The following EHMT1 variants were observed in gnomAD, a reference collection of about 807,000 sequenced individuals.
The protein encoded by EHMT1 is histone-lysine N-methyltransferase EHMT1.
In EHMT1, 15 loss-of-function variants were observed where a neutral mutation model predicts 147.2. That is an observed-to-expected ratio of 0.10 (90% CI 0.07 to 0.16). EHMT1 has a LOEUF of 0.16. Ranked by LOEUF, EHMT1 falls within the 10% of genes least tolerant of loss-of-function variation. The pLI, the probability that EHMT1 is intolerant of heterozygous loss-of-function variation, is 1.00. For synonymous variants in EHMT1, 795 were observed against 709.6 expected, an observed-to-expected ratio of 1.12 and a Z score of -1.91; for missense variants, 1,587 against 1,772.4, an observed-to-expected ratio of 0.90 and a Z score of 1.88.
chr9:137,810,742 A>C (rs1392457164), intron 18 of EHMT1, among the ~76,000 whole-genome samples: 1 of 150,684 alleles, frequency 6.6e-6, no homozygotes, highest in Non-Finnish European at 1.5e-5. Context: ...CTTGTTGCCT[A>C]GGCTGGAGTG....
intron 4 of EHMT1, among the ~76,000 whole-genome samples, chr9:137,738,352 G>A (rs544874306): frequency 7.9e-5 from 12 of 152,274 alleles, no homozygotes; most frequent in African/African-American, 2.4e-4. Flanking sequence ...CAAAACCACA[G>A]TGAGATACCA....
At chr9:137,752,200 C>T (rs1017095156) in intron 6 of EHMT1, 131 bp from the exon 7 acceptor site, 74 of 1,135,986 alleles carry the variant, frequency 6.5e-5, no homozygotes, top group African/African-American at 9.2e-5. Context: ...GCCCCCGCCC[C>T]GCGAGCGTCT....
At chr9:137,809,940 T>C (rs55853908) in intron 18 of EHMT1, among the ~76,000 whole-genome samples, 1,159 of 46,022 alleles carry the variant, frequency 0.025, 51 homozygotes, top group African/African-American at 0.11. Flanking sequence ...GGTCCGGAGG[T>C]GGTTCCGATG....
intron 1 of EHMT1, among the ~76,000 whole-genome samples, chr9:137,634,739 A>C (rs1335600380): frequency 2.4e-5 from 3 of 125,964 alleles, no homozygotes; most frequent in East Asian, 4.5e-4. Flanking sequence ...GTCTCTCTCT[A>C]TCGCCCAGGC....
At chr9:137,758,338 G>T (rs556159708) in intron 9 of EHMT1, among the ~76,000 whole-genome samples, 1 of 152,358 alleles carries the variant, frequency 6.6e-6, no homozygotes, top group Admixed American at 6.5e-5. Flanking sequence ...GGCATCTCAG[G>T]ACACACGGGG....
chr9:137,658,037 A>G (rs1938662612), intron 1 of EHMT1, among the ~76,000 whole-genome samples: 1 of 152,128 alleles, frequency 6.6e-6, no homozygotes, highest in African/African-American at 2.4e-5. Context: ...CTAGTTGTGG[A>G]TGATGGGATC....
chr9:137,634,514 C>T (rs867340242), intron 1 of EHMT1, among the ~76,000 whole-genome samples: 6 of 152,132 alleles, frequency 3.9e-5, no homozygotes, highest in Admixed American at 6.5e-5. Flanking sequence ...TGTCCTAATG[C>T]GAGCATTGTT....
At chr9:137,701,777 G>A (rs535942293) in intron 1 of EHMT1, among the ~76,000 whole-genome samples, 2 of 139,354 alleles carry the variant, frequency 1.4e-5, no homozygotes, top group South Asian at 2.5e-4. Context: ...ACAGGCACGC[G>A]CCACCATGCC....
chr9:137,686,292 G>T (rs1306033277), intron 1 of EHMT1, among the ~76,000 whole-genome samples: 4 of 152,122 alleles, frequency 2.6e-5, no homozygotes, highest in Non-Finnish European at 1.5e-5. Context: ...CTAACTCAAG[G>T]TTGTGAAGAC....
chr9:137,662,654 C>T (rs1301892411), intron 1 of EHMT1, among the ~76,000 whole-genome samples: 1 of 152,136 alleles, frequency 6.6e-6, no homozygotes, highest in Non-Finnish European at 1.5e-5. Flanking sequence ...TGCCTGCCAC[C>T]ACACTGGGCT....
intron 8 of EHMT1, among the ~76,000 whole-genome samples, chr9:137,756,833 C>T (rs916364482): frequency 6.6e-6 from 1 of 152,134 alleles, no homozygotes; most frequent in African/African-American, 2.4e-5. Context: ...TAAAACTATA[C>T]AAAGTGTACT....
intron 1 of EHMT1, among the ~76,000 whole-genome samples, chr9:137,665,266 G>C (rs1939508484): frequency 6.6e-6 from 1 of 152,144 alleles, no homozygotes; most frequent in Non-Finnish European, 1.5e-5. Flanking sequence ...GTCTTGATTG[G>C]AGAGCTGGCA....
chr9:137,724,384 A>G (rs1339180146), intron 3 of EHMT1, among the ~76,000 whole-genome samples: 2 of 151,762 alleles, frequency 1.3e-5, no homozygotes, highest in Non-Finnish European at 2.9e-5. Flanking sequence ...CCCTGTGGAG[A>G]TGGGATGGGC....
intron 1 of EHMT1, among the ~76,000 whole-genome samples, chr9:137,628,770 C>A (rs1009200410): frequency 6.6e-6 from 1 of 152,218 alleles, no homozygotes; most frequent in Non-Finnish European, 1.5e-5. Flanking sequence ...TCGAAAAGAG[C>A]GTCTGTGGCT....
intron 25 of EHMT1, among the ~76,000 whole-genome samples, chr9:137,830,747 A>T (rs575242119): frequency 1.3e-5 from 2 of 152,220 alleles, no homozygotes; most frequent in Non-Finnish European, 2.9e-5. Context: ...AGGCAGTTAC[A>T]TTAATTTTAG....
chr9:137,691,554 T>C (rs1942939646), intron 1 of EHMT1, among the ~76,000 whole-genome samples: 1 of 152,094 alleles, frequency 6.6e-6, no homozygotes, highest in Non-Finnish European at 1.5e-5. Flanking sequence ...CTTGGGTTGC[T>C]TCCACCCCTT....
intron 10 of EHMT1, chr9:137,764,077 GA>G (rs1350547064): frequency 6.6e-6 from 1 of 152,398 alleles, no homozygotes. Flanking sequence ...CTGGTCCAGG[GA>G]CCACACTTTG....
chr9:137,730,316 G>A lies in EHMT1; in HGVS notation c.823+1787G>A, dbSNP rs117855985. On this transcript the variant is annotated intron_variant, in intron 4 of 26. Transcript: ENST00000460843. Reference sequence around the variant, plus strand: ...ATCTGCCATGGCCCACGCTTAGCTAGTACTGCACGGTGGGTGCCAAATGGT... The same window carrying A: ...ATCTGCCATGGCCCACGCTTAGCTAATACTGCACGGTGGGTGCCAAATGGT... Among the ~76,000 whole-genome samples, 248 of 152,302 alleles carry A rather than the reference G, an allele frequency of 1.6e-3. 1 individual carries two copies. Among genetic ancestry groups the A allele is most frequent in the South Asian group, 1.7e-3 (8 of 4,828 alleles).
intron 1 of EHMT1, among the ~76,000 whole-genome samples, chr9:137,659,397 AAATTAATT>A (rs59168383): frequency 1.3e-5 from 2 of 150,950 alleles, no homozygotes; most frequent in African/African-American, 2.4e-5. Context: ...TGTATTTCTA[AAATTAATT>A]AATTAATTAA....
Sources: allele counts gnomAD v4.1 joint callset (sites outside exome capture counted in the v4.1 genomes callset), GRCh38; gene constraint gnomAD v4.1.1; transcripts MANE v1.5; gene names NCBI Gene and HGNC (gene_info 2026-07-23, HGNC 2026-07-21).